Variants in NDUFA9 observed in about 807,000 individuals in gnomAD.
NDUFA9 encodes the protein NADH:ubiquinone oxidoreductase subunit A9, also known as NADH dehydrogenase [ubiquinone] 1 alpha subcomplex subunit 9, mitochondrial.
NDUFA9 carries 23 observed loss-of-function variants against 45.9 expected under a neutral mutation model. The ratio of observed to expected loss-of-function variants is 0.50; its 90% CI spans 0.36 to 0.71. The LOEUF (loss-of-function observed/expected upper bound fraction) is 0.71, where lower values mean the gene tolerates loss of function less well. Ranked by LOEUF, NDUFA9 falls within the 30% of genes least tolerant of loss-of-function variation. NDUFA9 has a pLI of 0.00. For missense variants in NDUFA9, 466 were observed against 488.2 expected, an observed-to-expected ratio of 0.95 and a Z score of 0.43; for synonymous variants, 176 against 170.5, an observed-to-expected ratio of 1.03 and a Z score of -0.25.
intron 8 of NDUFA9, among the ~76,000 whole-genome samples, chr12:4,670,447 A>C (rs891232946): frequency 6.6e-6 from 1 of 152,220 alleles, no homozygotes; most frequent in Non-Finnish European, 1.5e-5. Context: ...TAAGTGGTTC[A>C]TAACCCTGTG....
intron 8 of NDUFA9, among the ~76,000 whole-genome samples, chr12:4,678,197 G>A (rs1047567943): frequency 2.6e-5 from 4 of 151,990 alleles, no homozygotes; most frequent in African/African-American, 9.7e-5. Context: ...GCAGGTTGAT[G>A]GGTGCAGCAA....
chr12:4,657,896 C>A, intron 4 of NDUFA9, 57 bp downstream of exon 4: 1 of 1,339,812 alleles, frequency 7.5e-7, no homozygotes, highest in Non-Finnish European at 1.1e-6. Context: ...GTTTAATGGA[C>A]CTTCGCTGGG....
intron 1 of NDUFA9, chr12:4,653,513 G>A (rs1945771285): frequency 5.1e-6 from 2 of 393,114 alleles, no homozygotes; most frequent in South Asian, 3.9e-5. Flanking sequence ...ATTGGTACAT[G>A]AACTTTGAGG....
In NDUFA9 at chr12:4,688,669, C is replaced by G. The variant is rs1946001916; in HGVS notation, c.*1561C>G. The G allele has an allele frequency of 6.6e-6, 1 of 152,216 alleles. No individual in the cohort carries two copies. The highest frequency in any genetic ancestry group is 2.4e-5 in the African/African-American group (1 of 41,418). The allele number at this position is 152,216 out of a possible 1,614,324, so 9.4% of individuals were successfully genotyped here. A position where few individuals can be genotyped will look rare whatever the true frequency, so the allele number is the denominator to read the frequency against. On this transcript the variant is annotated 3_prime_UTR_variant, in exon 11 of 11. Transcript: ENST00000266544. ...TTATTAATCCAGGTTGCTGACCCCACCCCAGACCTACTGAATCAGAGTCTC... is the reference window on the plus strand; with the variant it reads ...TTATTAATCCAGGTTGCTGACCCCAGCCCAGACCTACTGAATCAGAGTCTC...
intron 4 of NDUFA9, among the ~76,000 whole-genome samples, chr12:4,658,478 G>A (rs938973992): frequency 3.3e-5 from 5 of 152,056 alleles, no homozygotes; most frequent in African/African-American, 9.7e-5. Flanking sequence ...TTTAGTTAAC[G>A]TTACCGAATG....
At chr12:4,670,158 T>C (rs1025766383) in intron 8 of NDUFA9, among the ~76,000 whole-genome samples, 29 of 152,238 alleles carry the variant, frequency 1.9e-4, no homozygotes, top group Non-Finnish European at 7.3e-5. Context: ...AGTATGGTTA[T>C]AAAACCACAT....
chr12:4,672,438 C>G (rs184416571), intron 8 of NDUFA9, among the ~76,000 whole-genome samples: 2 of 152,202 alleles, frequency 1.3e-5, no homozygotes, highest in South Asian at 4.1e-4. Context: ...TGATCTGGCT[C>G]AGCGGGTCCC....
intron 4 of NDUFA9, among the ~76,000 whole-genome samples, chr12:4,658,587 G>A (rs990151650): frequency 5.9e-5 from 9 of 152,198 alleles, no homozygotes; most frequent in Admixed American, 2.6e-4. Flanking sequence ...CAGCCAGTAC[G>A]GCCAGGTTTC....
intron 6 of NDUFA9, among the ~76,000 whole-genome samples, chr12:4,663,057 A>T (rs903240950): frequency 6.6e-6 from 1 of 152,184 alleles, no homozygotes; most frequent in Non-Finnish European, 1.5e-5. Flanking sequence ...AGGATATTAC[A>T]TATATGGTTA....
chr12:4,668,215 G>T (rs779951545), intron 6 of NDUFA9, among the ~76,000 whole-genome samples: 1 of 152,190 alleles, frequency 6.6e-6, no homozygotes, highest in African/African-American at 2.4e-5. Flanking sequence ...CAGACTAGTT[G>T]TCTAGACATT....
intron 9 of NDUFA9, among the ~76,000 whole-genome samples, chr12:4,682,561 A>G (rs1480140271): frequency 6.6e-6 from 1 of 152,222 alleles, no homozygotes; most frequent in Non-Finnish European, 1.5e-5. Flanking sequence ...ACTTTCTCCA[A>G]TTTAAAACCA....
chr12:4,684,728 A>G (rs931777003), intron 9 of NDUFA9, among the ~76,000 whole-genome samples: 11 of 152,036 alleles, frequency 7.2e-5, no homozygotes, highest in Non-Finnish European at 5.9e-5. Flanking sequence ...AGTAATGAAG[A>G]TAGGTGGCCT....
chr12:4,656,154 A>G (rs1477868876), intron 3 of NDUFA9, among the ~76,000 whole-genome samples: 1 of 152,126 alleles, frequency 6.6e-6, no homozygotes, highest in Non-Finnish European at 1.5e-5. Context: ...TTTCATTTTC[A>G]CATTTTCATT....
chr12:4,666,585 A>G (rs1318251366), intron 6 of NDUFA9, among the ~76,000 whole-genome samples: 1 of 152,056 alleles, frequency 6.6e-6, no homozygotes, highest in Non-Finnish European at 1.5e-5. Context: ...TAAGGGTCCA[A>G]TTTTATTCTT....
intron 1 of NDUFA9, among the ~76,000 whole-genome samples, chr12:4,651,524 C>T (rs1945759793): frequency 6.6e-6 from 1 of 151,884 alleles, no homozygotes; most frequent in South Asian, 2.1e-4. Flanking sequence ...AAAACAATAG[C>T]CATGTGAGGT....
chr12:4,651,029 T>C (rs534951674), intron 1 of NDUFA9, among the ~76,000 whole-genome samples: 6 of 152,320 alleles, frequency 3.9e-5, no homozygotes, highest in African/African-American at 1.4e-4. Flanking sequence ...CTTTCTATAG[T>C]AATAATAGCT....
At position 4,687,853 on chromosome 12, in the gene NDUFA9, A is replaced by T. The variant is rs534029244; in HGVS notation, c.*745A>T. The T allele has an allele frequency of 1.3e-5, 2 of 152,366 alleles. No homozygotes were observed. Among genetic ancestry groups the T allele is most frequent in the South Asian group, 4.1e-4 (2 of 4,834 alleles). The allele number at this position is 152,366 out of a possible 1,614,324, so 9.4% of individuals were successfully genotyped here. A position where few individuals can be genotyped will look rare whatever the true frequency, so the allele number is the denominator to read the frequency against. ...GATGAACATTTGGTTTAGTGTTGGC[A>T]AATCCCACCAGTACAGTGTGATTTA... On this transcript the variant is annotated 3_prime_UTR_variant, in exon 11 of 11. Coordinates refer to ENST00000266544, the MANE Select transcript of NDUFA9 (RefSeq NM_005002.5).
chr12:4,665,703 G>A (rs1945848965), intron 6 of NDUFA9, among the ~76,000 whole-genome samples: 1 of 149,242 alleles, frequency 6.7e-6, no homozygotes, highest in Admixed American at 6.6e-5. Context: ...AGTGCACAAG[G>A]TTTCCACTTT....
At position 4,662,521 on chromosome 12, in the gene NDUFA9, G is replaced by C. The variant is rs755482936; in HGVS notation, c.553-12G>C. ...TCTAAACTCAAAACAGGTTTGTTTGGTTATTGTTTAGGCTGTTGGAGAGAA... is the reference window on the plus strand; with the variant it reads ...TCTAAACTCAAAACAGGTTTGTTTGCTTATTGTTTAGGCTGTTGGAGAGAA... On this transcript the variant is annotated splice_polypyrimidine_tract_variant and intron_variant, in intron 5 of 10. Transcript: ENST00000266544. The C allele has an allele frequency of 1.6e-5, 26 of 1,608,452 alleles. No individual in the cohort carries two copies. Among genetic ancestry groups the C allele is most frequent in the Middle Eastern group, 1.6e-4 (1 of 6,070 alleles).
Sources: allele counts gnomAD v4.1 joint callset (sites outside exome capture counted in the v4.1 genomes callset), GRCh38; gene constraint gnomAD v4.1.1; transcripts MANE v1.5; gene names NCBI Gene and HGNC (gene_info 2026-07-23, HGNC 2026-07-21).